The following C1orf174 variants were observed in gnomAD, a reference collection of about 807,000 sequenced individuals.
The protein encoded by C1orf174 is chromosome 1 open reading frame 174, also known as UPF0688 protein C1orf174.
C1orf174 carries 13 observed loss-of-function variants against 18.4 expected under a neutral mutation model. That is an observed-to-expected ratio of 0.71 (90% confidence interval 0.46 to 1.12). The LOEUF (loss-of-function observed/expected upper bound fraction) is 1.12, where lower values mean the gene tolerates loss of function less well. Among genes scored for constraint, C1orf174 ranks in the 50% most tolerant of loss-of-function variants. The pLI is 0.00. For synonymous variants in C1orf174, 100 were observed against 118.3 expected (o/e 0.85, Z 1.01); for missense variants, 309 against 308.0 (o/e 1.00, Z -0.02).
At position 3,900,221 on chromosome 1, in the gene C1orf174, C is replaced by G. The variant is rs773751412; in HGVS notation, c.-35G>C. The G allele has an allele frequency of 1.7e-5, 27 of 1,559,190 alleles. No homozygotes were observed. Among genetic ancestry groups the G allele is most frequent in the East Asian group, 2.5e-5 (1 of 40,726 alleles). On this transcript the variant is annotated 5_prime_UTR_variant, in exon 1 of 4. Coordinates refer to ENST00000361605, the MANE Select transcript of C1orf174 (RefSeq NM_207356.3). ...CACCGCAGCCAAGCACCGCGCGCCC[C>G]GGCCAACGCGTCCCGGCGGAGCGGC...
At chr1:3,898,290 A>G (rs1638642892) in intron 1 of C1orf174, among the ~76,000 whole-genome samples, 1 of 152,138 alleles carries the variant, frequency 6.6e-6, no homozygotes, top group Non-Finnish European at 1.5e-5. Flanking sequence ...GGCAGTGATC[A>G]CCTGAGGTCA....
intron 1 of C1orf174, among the ~76,000 whole-genome samples, chr1:3,899,000 G>A (rs1638658125): frequency 6.6e-6 from 1 of 152,026 alleles, no homozygotes; most frequent in South Asian, 2.1e-4. Flanking sequence ...AGAATATGAA[G>A]ATTAAGCTGT....
intron 1 of C1orf174, among the ~76,000 whole-genome samples, chr1:3,899,440 G>C (rs977219409): frequency 4.6e-5 from 7 of 152,112 alleles, no homozygotes; most frequent in Non-Finnish European, 8.8e-5. Context: ...ACTGTGAAAA[G>C]GGTCCTTCGC....
Position 3,890,672 on chromosome 1 carries a change from A to T in C1orf174, c.515T>A (p.Val172Glu). ...QNEPGLQTED[V>E]QKPPLQMDNS... ...GTCCATCTGAAGTGGTGGCTTCTGC[A>T]CATCCTCTGTCTGTAGCCCTGGCTC... is the stretch of plus-strand genomic sequence containing the variant. Residue 172 changes from valine to glutamate, a missense_variant, in exon 3 of 4, where the codon GTG (valine) becomes GAG (glutamate). Val to Glu is a moderately radical substitution (Grantham distance 121). Transcript: ENST00000361605. 6.2e-7 allele frequency: 1 copy of T among 1,614,082 alleles called. No homozygotes were observed. Among genetic ancestry groups the T allele is most frequent in the Non-Finnish European group, 8.5e-7 (1 of 1,180,022 alleles).
Position 3,890,946 on chromosome 1 carries a change from CG to C in C1orf174, c.240del (p.Ser80ArgfsTer7). The C allele has an allele frequency of 1.2e-6, 2 of 1,614,126 alleles. No individual in the cohort carries two copies. The highest frequency in any genetic ancestry group is 1.7e-6 in the Non-Finnish European group (2 of 1,180,042). ...TCAGGTGTCACTTTTGGCAAAGAAG[CG>C]CTGTCATTCTTAGGGACAAGCTTCT... ...ELQKLVPKND[S>X]ASLPKVTPET... On this transcript the variant is annotated frameshift_variant, in exon 3 of 4. Transcript: ENST00000361605. LOFTEE classifies it high-confidence loss of function.
rs1170919319 is a variant in C1orf174 at position 3,889,878 on chromosome 1, A to G, written c.*82T>C. 2 of 1,248,434 alleles carry G rather than the reference A, an allele frequency of 1.6e-6. No individual in the cohort carries two copies. Among genetic ancestry groups the G allele is most frequent in the Non-Finnish European group, 2.4e-6 (2 of 849,412 alleles). The allele number at this position is 1,248,434 out of a possible 1,614,324, so 77.3% of individuals were successfully genotyped here. A position where few individuals can be genotyped will look rare whatever the true frequency, so the allele number is the denominator to read the frequency against. On this transcript the variant is annotated 3_prime_UTR_variant, in exon 4 of 4. Coordinates refer to ENST00000361605, the MANE Select transcript of C1orf174 (RefSeq NM_207356.3). Reference sequence around the variant, plus strand: ...GATTAAGACATTCTCTTGGAGATACATTTTATATAAATCTTGTAATGTGCT... The same window carrying G: ...GATTAAGACATTCTCTTGGAGATACGTTTTATATAAATCTTGTAATGTGCT...
intron 2 of C1orf174, chr1:3,891,432 T>C (rs1452146208): frequency 4.2e-6 from 1 of 238,808 alleles, no homozygotes; most frequent in Non-Finnish European, 7.3e-6. Flanking sequence ...ATAAGCTCTG[T>C]GAAGGCAGGG....
rs1638502569 is a variant in C1orf174 at position 3,891,064 on chromosome 1, A to G, written c.130-7T>C. On this transcript the variant is annotated splice_polypyrimidine_tract_variant and splice_region_variant and intron_variant, in intron 2 of 3. Transcript: ENST00000361605. ...CTTTGTGGGATGAGGAAGTCTGTCA[A>G]GAAAAAAAATGTAAGGGGAACCAGA... 6.2e-7 allele frequency: 1 copy of G among 1,602,404 alleles called. No homozygotes were observed. The highest frequency in any genetic ancestry group is 1.3e-5 in the African/African-American group (1 of 74,328).
At chr1:3,899,034 G>GA (rs1340983032) in intron 1 of C1orf174, among the ~76,000 whole-genome samples, 1 of 149,444 alleles carries the variant, frequency 6.7e-6, no homozygotes, top group Non-Finnish European at 1.5e-5. Flanking sequence ...TAAAGCACTG[G>GA]AAAAAACCCA....
intron 1 of C1orf174, among the ~76,000 whole-genome samples, chr1:3,893,755 G>C (rs191674413): frequency 6.6e-6 from 1 of 152,274 alleles, no homozygotes; most frequent in East Asian, 1.9e-4. Context: ...AAATTAGCCA[G>C]GTGTGGTGGT....
At position 3,889,833 on chromosome 1, in the gene C1orf174, A is replaced by G; in HGVS notation, c.*127T>C. ...TGGGTGCTTTGCACTATTGACTTAGATGGGTCAGTTCTGAAGTTTGATTAA... is the reference window on the plus strand; with the variant it reads ...TGGGTGCTTTGCACTATTGACTTAGGTGGGTCAGTTCTGAAGTTTGATTAA... On this transcript the variant is annotated 3_prime_UTR_variant, in exon 4 of 4. Transcript: ENST00000361605. 1 of 859,412 alleles carries G rather than the reference A, an allele frequency of 1.2e-6. No homozygotes were observed. Among genetic ancestry groups the G allele is most frequent in the Non-Finnish European group, 1.9e-6 (1 of 517,940 alleles). 53.2% of individuals were successfully genotyped at this position (859,412 alleles called of 1,614,324 possible). A position where few individuals can be genotyped will look rare whatever the true frequency, so the allele number is the denominator to read the frequency against.
intron 1 of C1orf174, among the ~76,000 whole-genome samples, chr1:3,899,678 G>T (rs75241169): frequency 1.3e-5 from 2 of 152,218 alleles, no homozygotes; most frequent in Non-Finnish European, 2.9e-5. Context: ...GTTGAAACCA[G>T]TTCTGGAGAG....
At position 3,900,262 on chromosome 1, in the gene C1orf174, G is replaced by A. The variant is rs561636758; in HGVS notation, c.-76C>T. On this transcript the variant is annotated 5_prime_UTR_variant, in exon 1 of 4. Coordinates refer to ENST00000361605, the MANE Select transcript of C1orf174 (RefSeq NM_207356.3). ...GCGGAGCGGCGACCCGGAGTCTGCA[G>A]AGCGCGCCGCGGCGGCGTCCGACGT... 13 of 1,452,768 alleles carry A rather than the reference G, an allele frequency of 8.9e-6. No individual in the cohort carries two copies. The highest frequency in any genetic ancestry group is 3.0e-5 in the African/African-American group (2 of 66,888). 90.0% of individuals were successfully genotyped at this position (1,452,768 alleles called of 1,614,324 possible). A position where few individuals can be genotyped will look rare whatever the true frequency, so the allele number is the denominator to read the frequency against.
rs1638470773 is a variant in C1orf174 at position 3,889,942 on chromosome 1, C to G, written c.*18G>C. On this transcript the variant is annotated 3_prime_UTR_variant, in exon 4 of 4. Coordinates refer to ENST00000361605, the MANE Select transcript of C1orf174 (RefSeq NM_207356.3). The stretch of plus-strand genomic sequence containing the variant: ...GTTAATGGTACTAAATACTCAAGGA[C>G]ATTATTTTGTATGGCCCCTACATTT... The G allele has an allele frequency of 1.3e-6, 2 of 1,582,414 alleles. No individual in the cohort carries two copies. Among genetic ancestry groups the G allele is most frequent in the Non-Finnish European group, 1.7e-6 (2 of 1,151,266 alleles).
At chr1:3,894,004 G>A (rs887488438) in intron 1 of C1orf174, among the ~76,000 whole-genome samples, 1 of 152,184 alleles carries the variant, frequency 6.6e-6, no homozygotes, top group African/African-American at 2.4e-5. Flanking sequence ...AGAAATTAGT[G>A]ACATTACGGT....
intron 1 of C1orf174, chr1:3,895,644 C>G (rs1424280801): frequency 1.3e-5 from 2 of 152,240 alleles, no homozygotes; most frequent in Non-Finnish European, 2.9e-5. Flanking sequence ...ATGAGATCGG[C>G]TTAGCTTCAG....
At chr1:3,894,732 T>C (rs1638575485) in intron 1 of C1orf174, among the ~76,000 whole-genome samples, 1 of 152,050 alleles carries the variant, frequency 6.6e-6, no homozygotes, top group Admixed American at 6.5e-5. Context: ...AGTGTGTGTC[T>C]GAAACAGGAG....
At chr1:3,894,904 C>A (rs1267309715) in intron 1 of C1orf174, among the ~76,000 whole-genome samples, 1 of 152,222 alleles carries the variant, frequency 6.6e-6, no homozygotes, top group Non-Finnish European at 1.5e-5. Flanking sequence ...AGAGCCCCGG[C>A]AGACGTCATG....
Position 3,889,797 on chromosome 1 carries a change from T to A in C1orf174, c.*163A>T. 2 of 657,000 alleles carry A rather than the reference T, an allele frequency of 3.0e-6. No individual in the cohort carries two copies. The highest frequency in any genetic ancestry group is 2.7e-5 in the East Asian group (1 of 36,688). 40.7% of individuals were successfully genotyped at this position (657,000 alleles called of 1,614,324 possible). On this transcript the variant is annotated 3_prime_UTR_variant, in exon 4 of 4. Coordinates refer to ENST00000361605, the MANE Select transcript of C1orf174 (RefSeq NM_207356.3). The stretch of plus-strand genomic sequence containing the variant: ...AGTTTTAGTTCCCATGAGTACATCC[T>A]CCACAGGTATTGGGTGCTTTGCACT...
Sources: allele counts gnomAD v4.1 joint callset (sites outside exome capture counted in the v4.1 genomes callset), GRCh38; gene constraint gnomAD v4.1.1; transcripts MANE v1.5; gene names NCBI Gene and HGNC (gene_info 2026-07-23, HGNC 2026-07-21).